Variants in CCDC134 observed in about 807,000 individuals in gnomAD.
The protein encoded by CCDC134 is coiled-coil domain-containing protein 134.
A neutral mutation model predicts 25.6 loss-of-function variants in CCDC134; 27 were observed. The ratio of observed to expected loss-of-function variants is 1.05; its 90% confidence interval spans 0.78 to 1.45. The LOEUF (loss-of-function observed/expected upper bound fraction) is 1.45, where lower values mean the gene tolerates loss of function less well. CCDC134 is among the 40% of genes most tolerant of loss of function. The pLI is 0.00. For synonymous variants in CCDC134, 110 were observed against 115.0 expected (o/e 0.96, Z 0.28); for missense variants, 261 against 286.7 (o/e 0.91, Z 0.65).
At chr22:41,800,957 G>A (rs1253839245) in intron 1 of CCDC134, among the ~76,000 whole-genome samples, 191 bp downstream of exon 1, 1 of 152,182 alleles carries the variant, frequency 6.6e-6, no homozygotes, top group Non-Finnish European at 1.5e-5. Flanking sequence ...CCCCGACCCC[G>A]GTAGCTGGCT....
intron 6 of CCDC134, among the ~76,000 whole-genome samples, chr22:41,822,717 A>G (rs545373273): frequency 1.3e-5 from 2 of 152,282 alleles, no homozygotes; most frequent in Admixed American, 6.5e-5. Context: ...TCTGTGGCCT[A>G]AGGGGTCTCC....
In CCDC134 at chr22:41,830,884, C is replaced by CTTTTTTTTTTTTTT. The variant is rs67246997; in HGVS notation, c.*5070_*5083dup. On this transcript the variant is annotated 3_prime_UTR_variant, in exon 7 of 7. Transcript: ENST00000255784. ...AGATCCTTATTTTTTCTTTTCTTTT[C>CTTTTTTTTTTTTTT]TTTTTTTTTTTTTTTTTTTTTTGAG... Among the ~76,000 whole-genome samples, 2 of 117,292 alleles carry CTTTTTTTTTTTTTT rather than the reference C, an allele frequency of 1.7e-5. No individual in the cohort carries two copies. Among genetic ancestry groups the CTTTTTTTTTTTTTT allele is most frequent in the African/African-American group, 3.9e-5 (1 of 25,456 alleles). 76.9% of individuals were successfully genotyped at this position (117,292 alleles called of 152,430 possible).
intron 6 of CCDC134, among the ~76,000 whole-genome samples, chr22:41,814,539 C>T (rs977692232): frequency 6.6e-6 from 1 of 151,258 alleles, no homozygotes; most frequent in Non-Finnish European, 1.5e-5. Flanking sequence ...TGCACTCCAG[C>T]CTGGGCAACA....
chr22:41,804,324 TA>T (rs2076557921), intron 1 of CCDC134, among the ~76,000 whole-genome samples: 1 of 152,196 alleles, frequency 6.6e-6, no homozygotes, highest in Non-Finnish European at 1.5e-5. Flanking sequence ...GCTTGTACCT[TA>T]AAGTTCATCT....
At chr22:41,813,197 T>G in intron 4 of CCDC134, 67 bp from the exon 5 acceptor site, 1 of 1,519,186 alleles carries the variant, frequency 6.6e-7, no homozygotes, top group Non-Finnish European at 9.1e-7. Context: ...CTCTAGAGGA[T>G]GCCAGGGGCC....
At chr22:41,824,693 G>T (rs2076667818) in intron 6 of CCDC134, among the ~76,000 whole-genome samples, 1 of 152,140 alleles carries the variant, frequency 6.6e-6, no homozygotes, top group Non-Finnish European at 1.5e-5. Context: ...CCGGGAGGTG[G>T]AGGTGGCAGT....
intron 6 of CCDC134, among the ~76,000 whole-genome samples, chr22:41,818,151 G>T (rs1569357428): frequency 6.6e-6 from 1 of 152,204 alleles, no homozygotes; most frequent in Non-Finnish European, 1.5e-5. Flanking sequence ...AAGTCCAGGG[G>T]AAATAGGCTC....
Position 41,813,274 on chromosome 22 carries a change from C to T in CCDC134, c.321C>T (p.His107=), listed in dbSNP as rs555627873. The change falls in exon 5 of 7, where the codon CAC becomes CAT. Residue 107 remains histidine (H), a synonymous_variant. Transcript: ENST00000255784. ...GGGTCCTCTCGCCAGCTTTCTCCCA[C>T]GTGGTGGAGAACACGGCCTTCTTCG... is the stretch of plus-strand genomic sequence containing the variant. The part of the protein sequence containing the change: ...QDEKLKDAFS[H]VVENTAFFGD... 23 of 1,614,160 alleles carry T rather than the reference C, an allele frequency of 1.4e-5. No individual in the cohort carries two copies. Among genetic ancestry groups the T allele is most frequent in the Non-Finnish European group, 1.9e-5 (22 of 1,180,014 alleles).
Position 41,828,242 on chromosome 22 carries a change from C to G in CCDC134, c.*2419C>G, listed in dbSNP as rs912775959. 1.3e-5 allele frequency among the ~76,000 whole-genome samples: 2 copies of G among 152,162 alleles called. No individual in the cohort carries two copies. Among genetic ancestry groups the G allele is most frequent in the Non-Finnish European group, 2.9e-5 (2 of 68,046 alleles). ...TCTTGCCAGCTGTTGTTATCAGAAC[C>G]AGGCTCTTCACACTCAGATCCTTGG... On this transcript the variant is annotated 3_prime_UTR_variant, in exon 7 of 7. Coordinates refer to ENST00000255784, the MANE Select transcript of CCDC134 (RefSeq NM_024821.5).
At chr22:41,803,958 C>T (rs1430082275) in intron 1 of CCDC134, among the ~76,000 whole-genome samples, 7 of 151,606 alleles carry the variant, frequency 4.6e-5, no homozygotes, top group Non-Finnish European at 1.0e-4. Flanking sequence ...GGTGAAACCC[C>T]GTCTCTACAA....
intron 1 of CCDC134, among the ~76,000 whole-genome samples, chr22:41,803,119 A>T (rs2148302082): frequency 6.6e-6 from 1 of 152,154 alleles, no homozygotes; most frequent in Admixed American, 6.5e-5. Flanking sequence ...CGTCTCAAAA[A>T]AAAAAAGTTA....
chr22:41,827,748 A>G lies in CCDC134; in HGVS notation c.*1925A>G, dbSNP rs1166504657. On this transcript the variant is annotated 3_prime_UTR_variant, in exon 7 of 7. Coordinates refer to ENST00000255784, the MANE Select transcript of CCDC134 (RefSeq NM_024821.5). ...CTTATGTTCCCTGCCTCCAGACCCT[A>G]TTTTCCTGCATCAACGGGAAAGGGT... is the stretch of plus-strand genomic sequence containing the variant. 6.6e-6 allele frequency among the ~76,000 whole-genome samples: 1 copy of G among 152,062 alleles called. No homozygotes were observed. Among genetic ancestry groups the G allele is most frequent in the Non-Finnish European group, 1.5e-5 (1 of 67,992 alleles).
chr22:41,809,123 C>A, intron 2 of CCDC134, 130 bp downstream of exon 2: 1 of 699,332 alleles, frequency 1.4e-6, no homozygotes, highest in Non-Finnish European at 2.4e-6. Context: ...GTGCTCTAGC[C>A]AGACCTTGAG....
intron 1 of CCDC134, among the ~76,000 whole-genome samples, chr22:41,806,159 G>T (rs2076566399): frequency 6.6e-6 from 1 of 150,638 alleles, no homozygotes; most frequent in Non-Finnish European, 1.5e-5. Flanking sequence ...CAGAACCACA[G>T]ATGACAAAGA....
chr22:41,813,484 C>T (rs373803096), intron 5 of CCDC134, 39 bp downstream of exon 5: 44 of 1,608,254 alleles, frequency 2.7e-5, no homozygotes, highest in African/African-American at 2.5e-4. Context: ...AGCCCTCTGT[C>T]GGGTAGTGGA....
Position 41,829,103 on chromosome 22 carries a change from C to T in CCDC134, c.*3280C>T, listed in dbSNP as rs1031691239. Among the ~76,000 whole-genome samples, 23 of 152,190 alleles carry T rather than the reference C, an allele frequency of 1.5e-4. No individual in the cohort carries two copies. Among genetic ancestry groups the T allele is most frequent in the African/African-American group, 5.3e-4 (22 of 41,426 alleles). On this transcript the variant is annotated 3_prime_UTR_variant, in exon 7 of 7. Coordinates refer to ENST00000255784, the MANE Select transcript of CCDC134 (RefSeq NM_024821.5). ...CCTGCCAGGTGCCTGTAGCAGTCCC[C>T]CAGTTACGACAACCAAAAATGTGTC...
intron 1 of CCDC134, among the ~76,000 whole-genome samples, chr22:41,806,214 A>ATTTTTTTTT (rs60425249): frequency 1.7e-5 from 2 of 121,008 alleles, no homozygotes; most frequent in Admixed American, 8.0e-5. Context: ...TAGGCGACTA[A>ATTTTTTTTT]TTTTTTTTTT....
Position 41,829,836 on chromosome 22 carries a change from C to T in CCDC134, c.*4013C>T, listed in dbSNP as rs1464863495. On this transcript the variant is annotated 3_prime_UTR_variant, in exon 7 of 7. Coordinates refer to ENST00000255784, the MANE Select transcript of CCDC134 (RefSeq NM_024821.5). Reference sequence around the variant, plus strand: ...GTTGCCTGCCTGGAGTGCAGTGGTGCGATCTCGGCTCACTGCAACCCCCGC... The same window carrying T: ...GTTGCCTGCCTGGAGTGCAGTGGTGTGATCTCGGCTCACTGCAACCCCCGC... 6.6e-6 allele frequency among the ~76,000 whole-genome samples: 1 copy of T among 151,594 alleles called. No individual in the cohort carries two copies. The highest frequency in any genetic ancestry group is 2.4e-5 in the African/African-American group (1 of 41,188).
At chr22:41,815,357 C>T (rs1424860379) in intron 6 of CCDC134, among the ~76,000 whole-genome samples, 1 of 151,832 alleles carries the variant, frequency 6.6e-6, no homozygotes, top group East Asian at 1.9e-4. Context: ...AGGCGCCCGC[C>T]ACCACACCTG....
Sources: allele counts gnomAD v4.1 joint callset (sites outside exome capture counted in the v4.1 genomes callset), GRCh38; gene constraint gnomAD v4.1.1; transcripts MANE v1.5; gene names NCBI Gene and HGNC (gene_info 2026-07-23, HGNC 2026-07-21).